ESRRG: variants seen among roughly 807,000 people sequenced by gnomAD.
The protein encoded by ESRRG is estrogen related receptor gamma.
In ESRRG, 13 loss-of-function variants were observed where a neutral mutation model predicts 44.0. The observed-to-expected ratio is 0.30, with a 90% CI of 0.19 to 0.47. ESRRG has a LOEUF of 0.47. Among genes scored for constraint, ESRRG ranks in the 20% least tolerant of loss-of-function variants. ESRRG has a pLI of 1.00. For synonymous variants in ESRRG, 215 were observed against 214.6 expected (o/e 1.00, Z -0.02); for missense variants, 395 against 580.6 (o/e 0.68, Z 3.29).
chr1:216,707,198 C>G (rs2082621042), intron 1 of ESRRG, among the ~76,000 whole-genome samples: 1 of 152,138 alleles, frequency 6.6e-6, no homozygotes, highest in Non-Finnish European at 1.5e-5. Flanking sequence ...TCTCTGCTAC[C>G]TGGGAAATAT....
rs529637887 is a variant in ESRRG at position 216,990,352 on chromosome 1, T to C, written c.-105-50679A>G. 2.0e-5 allele frequency among the ~76,000 whole-genome samples: 3 copies of C among 152,342 alleles called. No individual in the cohort carries two copies. In the East Asian group the frequency reaches 5.8e-4, roughly 29 times the overall value. ...AAATATTTTTTTAAAGTAAAAAGCA[T>C]ATAACTTTAAAAATAATCAATGCAA... On this transcript the variant is annotated intron_variant, in intron 1 of 7. Coordinates refer to the ESRRG transcript ENST00000359162.
At chr1:217,083,663 T>C in intron 1 of ESRRG, among the ~76,000 whole-genome samples, 1 of 152,176 alleles carries the variant, frequency 6.6e-6, no homozygotes, top group East Asian at 1.9e-4. Flanking sequence ...AGTTCTAACT[T>C]TGAAGGTGAT....
intron 2 of ESRRG, among the ~76,000 whole-genome samples, chr1:216,658,373 C>T (rs910174904): frequency 1.3e-5 from 2 of 152,154 alleles, no homozygotes; most frequent in African/African-American, 4.8e-5. Flanking sequence ...TCCTTTATCA[C>T]TTTAATTCTA....
Position 216,677,406 on chromosome 1 carries a change from A to G in ESRRG, c.142T>C (p.Ser48Pro). 1 of 1,614,108 alleles carries G rather than the reference A, an allele frequency of 6.2e-7. No homozygotes were observed. Among genetic ancestry groups the G allele is most frequent in the Non-Finnish European group, 8.5e-7 (1 of 1,180,020 alleles). The stretch of plus-strand genomic sequence containing the variant: ...TGGTGGTTGACGCTGTCCGTCAGGG[A>G]GGCTGGGCTGGAAGGTTCCGTCTTG... ...FIKTEPSSPA[S>P]LTDSVNHHSP... The change falls in exon 2 of 7, where the codon TCC becomes CCC. Residue 48 changes from serine to proline, a missense_variant. Coordinates refer to ENST00000408911, the MANE Select transcript of ESRRG (RefSeq NM_001438.4).
chr1:217,093,008 A>C (rs935427758), upstream of ESRRG, among the ~76,000 whole-genome samples: 1 of 152,328 alleles, frequency 6.6e-6, no homozygotes, highest in African/African-American at 2.4e-5. Flanking sequence ...GTGAGCAGGT[A>C]TATAATTGTA....
At chr1:216,639,758 G>A (rs2066010616) in intron 3 of ESRRG, among the ~76,000 whole-genome samples, 1 of 152,146 alleles carries the variant, frequency 6.6e-6, no homozygotes, top group Non-Finnish European at 1.5e-5. Flanking sequence ...TTTGATCCTA[G>A]ATACACATAA....
intron 2 of ESRRG, among the ~76,000 whole-genome samples, chr1:216,808,938 A>G (rs897030088): frequency 6.6e-6 from 1 of 151,988 alleles, no homozygotes; most frequent in Admixed American, 6.6e-5. Flanking sequence ...CTCAAATGGG[A>G]AAGAAAGAAG....
At chr1:217,067,831 G>T (rs1404079134) in intron 1 of ESRRG, among the ~76,000 whole-genome samples, 1 of 151,994 alleles carries the variant, frequency 6.6e-6, no homozygotes, top group Non-Finnish European at 1.5e-5. Flanking sequence ...GACTAATAAA[G>T]TCTCATTTCA....
At chr1:216,532,841 A>G (rs970997026) in intron 5 of ESRRG, among the ~76,000 whole-genome samples, 18 of 152,302 alleles carry the variant, frequency 1.2e-4, no homozygotes, top group African/African-American at 3.4e-4. Flanking sequence ...AAACAATAAT[A>G]CTTGACGGGA....
At chr1:216,561,159 T>C (rs2058661135) in intron 5 of ESRRG, among the ~76,000 whole-genome samples, 1 of 152,202 alleles carries the variant, frequency 6.6e-6, no homozygotes, top group Non-Finnish European at 1.5e-5. Context: ...ATTCCATATG[T>C]ATTTTCTTCA....
intron 1 of ESRRG, among the ~76,000 whole-genome samples, chr1:217,034,137 C>A (rs1487385459): frequency 6.6e-6 from 1 of 152,104 alleles, no homozygotes; most frequent in African/African-American, 2.4e-5. Context: ...ACCTACAAAA[C>A]AGTTATTTAC....
At chr1:216,971,317 G>A (rs569416588) in intron 1 of ESRRG, among the ~76,000 whole-genome samples, 1 of 152,326 alleles carries the variant, frequency 6.6e-6, no homozygotes, top group South Asian at 2.1e-4. Flanking sequence ...AGAATGGAGG[G>A]AGAGCACTCA....
intron 2 of ESRRG, among the ~76,000 whole-genome samples, chr1:216,855,291 C>A (rs756847937): frequency 3.3e-5 from 5 of 152,132 alleles, no homozygotes; most frequent in Non-Finnish European, 7.3e-5. Context: ...ATCTAAGAAA[C>A]AATAAACAGT....
In ESRRG at chr1:216,764,094, GTCTCA is replaced by G. The variant is rs2092942200; in HGVS notation, c.-13-86608_-13-86604del. Among the ~76,000 whole-genome samples, 7 of 152,186 alleles carry G rather than the reference GTCTCA, an allele frequency of 4.6e-5. No individual in the cohort carries two copies. In the South Asian group the frequency reaches 1.5e-3, roughly 32 times the overall value. On this transcript the variant is annotated intron_variant, in intron 2 of 7. Coordinates refer to the ESRRG transcript ENST00000359162. ...TCTTGTTAATCACACAAATTTCTGT[GTCTCA>G]TCTCAGATCAGAGGCAGAGTCTCTA...
At chr1:216,700,295 A>G (rs1291251366) in intron 1 of ESRRG, among the ~76,000 whole-genome samples, 1 of 152,184 alleles carries the variant, frequency 6.6e-6, no homozygotes, top group African/African-American at 2.4e-5. Context: ...CACCTGTATC[A>G]TGGCAATATT....
At chr1:216,896,872 T>C (rs2058486932) in intron 2 of ESRRG, among the ~76,000 whole-genome samples, 1 of 152,212 alleles carries the variant, frequency 6.6e-6, no homozygotes, top group African/African-American at 2.4e-5. Flanking sequence ...GGTCCTATCC[T>C]TTTTAACAAG....
chr1:216,561,162 T>A (rs1430388826), intron 5 of ESRRG, among the ~76,000 whole-genome samples: 1 of 152,190 alleles, frequency 6.6e-6, no homozygotes, highest in Non-Finnish European at 1.5e-5. Context: ...CCATATGTAT[T>A]TTCTTCAATA....
intron 3 of ESRRG, among the ~76,000 whole-genome samples, chr1:216,626,040 T>C (rs2063140796): frequency 6.6e-6 from 1 of 152,182 alleles, no homozygotes; most frequent in Non-Finnish European, 1.5e-5. Flanking sequence ...CTTCATGACA[T>C]CCCATGCATT....
chr1:217,069,549 C>A (rs1013264707), intron 1 of ESRRG, among the ~76,000 whole-genome samples: 4 of 151,992 alleles, frequency 2.6e-5, no homozygotes, highest in Non-Finnish European at 5.9e-5. Flanking sequence ...CTTGGAAATA[C>A]AAGGACTTTT....
Sources: gnomAD v4.1 joint callset for allele counts (sites outside exome capture counted in the v4.1 genomes callset) on GRCh38, gnomAD v4.1.1 for gene constraint, MANE v1.5 for transcripts, NCBI Gene and HGNC (gene_info 2026-07-23, HGNC 2026-07-21) for gene names.